The following MAGI1 variants were observed in gnomAD, a reference collection of about 807,000 sequenced individuals.
MAGI1 encodes the protein membrane-associated guanylate kinase, WW and PDZ domain-containing protein 1.
A neutral mutation model predicts 139.9 loss-of-function variants in MAGI1; 58 were observed. That is an observed-to-expected ratio of 0.41 (90% CI 0.34 to 0.52). The LOEUF (loss-of-function observed/expected upper bound fraction) is 0.52, where lower values mean the gene tolerates loss of function less well. MAGI1 is among the 20% of genes least tolerant of loss of function. The pLI, the probability that MAGI1 is intolerant of heterozygous loss-of-function variation, is 0.12. For synonymous variants in MAGI1, 812 were observed against 737.9 expected, an observed-to-expected ratio of 1.10 and a Z score of -1.63; for missense variants, 1,874 against 1,901.6, an observed-to-expected ratio of 0.99 and a Z score of 0.27.
intron 1 of MAGI1, among the ~76,000 whole-genome samples, chr3:65,937,756 T>C (rs922429868): frequency 2.6e-5 from 4 of 151,900 alleles, no homozygotes; most frequent in Non-Finnish European, 5.9e-5. Flanking sequence ...ACAGTAAGGT[T>C]TGACACCAAA....
At chr3:65,890,841 C>G (rs2060716806) in intron 1 of MAGI1, among the ~76,000 whole-genome samples, 1 of 152,186 alleles carries the variant, frequency 6.6e-6, no homozygotes. Context: ...TGTCAATAGA[C>G]AGCTGGAACA....
At chr3:65,489,960 T>G (rs997766862) in intron 3 of MAGI1, among the ~76,000 whole-genome samples, 2 of 152,178 alleles carry the variant, frequency 1.3e-5, no homozygotes, top group African/African-American at 4.8e-5. Context: ...GGTAGACTTT[T>G]CCTCTCTGGA....
In MAGI1 at chr3:66,018,114, G is replaced by T. The variant is rs555564193; in HGVS notation, c.313+19882C>A. 3.7e-4 allele frequency among the ~76,000 whole-genome samples: 22 copies of T among 59,578 alleles called. No homozygotes were observed. The South Asian group carries it at 4.4e-3, about 12-fold the overall frequency. 39.1% of individuals were successfully genotyped at this position (59,578 alleles called of 152,430 possible). On this transcript the variant is annotated intron_variant, in intron 1 of 22. Transcript: ENST00000402939. ...CAAAGATAAGGAAGGACACTTTGGT[G>T]GGGGGGGGGGGTGTCTGCACATGCC...
chr3:65,806,233 A>G (rs1468737929), intron 1 of MAGI1, among the ~76,000 whole-genome samples: 1 of 152,106 alleles, frequency 6.6e-6, no homozygotes, highest in Non-Finnish European at 1.5e-5. Context: ...GATCAAGACC[A>G]TCCTGGCCAA....
chr3:65,688,662 G>A (rs2088289438), intron 1 of MAGI1, among the ~76,000 whole-genome samples: 1 of 152,128 alleles, frequency 6.6e-6, no homozygotes. Context: ...AATATCAAAT[G>A]TTGGTATCCT....
rs188981670 is a variant in MAGI1, at chr3:65,797,779, A to G, written c.314-175691T>C. On this transcript the variant is annotated intron_variant, in intron 1 of 22. Transcript: ENST00000402939. Reference sequence around the variant, plus strand: ...AATATTTTAACCAATATTAATATTTAAGAACTTTGAAGAATCCAGAGCACG... The same window carrying G: ...AATATTTTAACCAATATTAATATTTGAGAACTTTGAAGAATCCAGAGCACG... 2.3e-3 allele frequency among the ~76,000 whole-genome samples: 352 copies of G among 152,318 alleles called. 4 individuals are homozygous for G. The highest frequency in any genetic ancestry group is 8.2e-3 in the African/African-American group (340 of 41,554).
At chr3:65,711,081 A>G (rs2031337571) in intron 1 of MAGI1, among the ~76,000 whole-genome samples, 1 of 152,052 alleles carries the variant, frequency 6.6e-6, no homozygotes, top group Non-Finnish European at 1.5e-5. Flanking sequence ...TACACCTTAA[A>G]CTCCAATGCC....
At chr3:66,022,792 T>C (rs945669500) in intron 1 of MAGI1, among the ~76,000 whole-genome samples, 4 of 152,228 alleles carry the variant, frequency 2.6e-5, no homozygotes, top group African/African-American at 9.6e-5. Flanking sequence ...TTATCACATA[T>C]GTACCTAGAG....
intron 1 of MAGI1, among the ~76,000 whole-genome samples, chr3:65,789,378 A>T (rs2039609827): frequency 6.6e-6 from 1 of 152,128 alleles, no homozygotes; most frequent in African/African-American, 2.4e-5. Context: ...AGCCCTTGAA[A>T]ATCATACCGG....
Position 65,379,377 on chromosome 3 carries a change from C to T in MAGI1, c.2879G>A (p.Gly960Asp). 6.2e-7 allele frequency: 1 copy of T among 1,612,420 alleles called. No individual in the cohort carries two copies. Among genetic ancestry groups the T allele is most frequent in the South Asian group, 1.1e-5 (1 of 90,932 alleles). The change falls in exon 17 of 23, where the codon GGC (glycine) becomes GAC (aspartate). Residue 960 changes from glycine (G) to aspartate (D), a missense_variant. Transcript: ENST00000402939. ...GGGCTGCACCACGGTGCTGACCACG[C>T]CGCTGCCCCCGCCGCCGCCACTGCC... The part of the protein sequence containing the change: ...GIGSGGGGGS[G>D]VVSTVVQPYD...
intron 1 of MAGI1, among the ~76,000 whole-genome samples, chr3:65,898,895 T>C (rs1390546045): frequency 1.3e-5 from 2 of 152,168 alleles, no homozygotes; most frequent in Non-Finnish European, 2.9e-5. Flanking sequence ...TTTAAGTAAA[T>C]ATATTTTTAA....
intron 1 of MAGI1, among the ~76,000 whole-genome samples, chr3:65,820,637 T>C (rs190065363): frequency 2.1e-4 from 32 of 152,226 alleles, no homozygotes; most frequent in Admixed American, 1.8e-3. Flanking sequence ...GTGGATTACC[T>C]AGGATTCTTC....
At chr3:65,741,696 G>A (rs557165563) in intron 1 of MAGI1, among the ~76,000 whole-genome samples, 9 of 152,306 alleles carry the variant, frequency 5.9e-5, no homozygotes, top group African/African-American at 2.2e-4. Context: ...ACTGGGATAA[G>A]TTAATGGCTT....
intron 1 of MAGI1, among the ~76,000 whole-genome samples, chr3:65,868,742 C>A (rs1312044704): frequency 6.6e-6 from 1 of 152,124 alleles, no homozygotes; most frequent in African/African-American, 2.4e-5. Flanking sequence ...CCTACATGAC[C>A]CAGCTCAGCA....
At chr3:66,024,683 G>A (rs2068149260) in intron 1 of MAGI1, among the ~76,000 whole-genome samples, 1 of 152,112 alleles carries the variant, frequency 6.6e-6, no homozygotes, top group Non-Finnish European at 1.5e-5. Flanking sequence ...GTGCATGCCT[G>A]TAATCCCAGC....
intron 2 of MAGI1, among the ~76,000 whole-genome samples, chr3:65,577,448 A>C (rs2081224492): frequency 6.6e-6 from 1 of 152,202 alleles, no homozygotes; most frequent in African/African-American, 2.4e-5. Context: ...AATAATTTTG[A>C]TTAAAAAATA....
intron 2 of MAGI1, among the ~76,000 whole-genome samples, chr3:65,521,110 C>G (rs1016229720): frequency 6.6e-5 from 10 of 152,168 alleles, no homozygotes; most frequent in Non-Finnish European, 7.3e-5. Context: ...GTACCACAGA[C>G]AGTGGAAGGC....
chr3:65,409,571 T>C (rs1419379224), intron 12 of MAGI1, among the ~76,000 whole-genome samples: 3 of 152,106 alleles, frequency 2.0e-5, no homozygotes, highest in Non-Finnish European at 4.4e-5. Context: ...ATAAACACTA[T>C]ATATCACAAA....
intron 1 of MAGI1, among the ~76,000 whole-genome samples, chr3:65,997,794 C>T (rs1339800034): frequency 6.6e-6 from 1 of 152,190 alleles, no homozygotes; most frequent in Non-Finnish European, 1.5e-5. Flanking sequence ...CTCTCCCCCT[C>T]GACACCAGGA....
Sources: allele counts gnomAD v4.1 joint callset (sites outside exome capture counted in the v4.1 genomes callset), GRCh38; gene constraint gnomAD v4.1.1; transcripts MANE v1.5; gene names NCBI Gene and HGNC (gene_info 2026-07-23, HGNC 2026-07-21).